TGFBR3: variants seen among roughly 807,000 people sequenced by gnomAD.
TGFBR3 encodes the protein transforming growth factor beta receptor type 3.
A neutral mutation model predicts 87.9 loss-of-function variants in TGFBR3; 46 were observed. The observed-to-expected ratio is 0.52, with a 90% CI of 0.41 to 0.67. The LOEUF (loss-of-function observed/expected upper bound fraction) is 0.67, where lower values mean the gene tolerates loss of function less well. TGFBR3 is among the 30% of genes least tolerant of loss of function. The probability of loss-of-function intolerance (pLI) is 0.00; values close to 1 mark genes in which losing one functional copy is unlikely to be tolerated. For missense variants in TGFBR3, 866 were observed against 1,041.9 expected, an observed-to-expected ratio of 0.83 and a Z score of 2.32; for synonymous variants, 381 against 391.6, an observed-to-expected ratio of 0.97 and a Z score of 0.32.
intron 1 of TGFBR3, among the ~76,000 whole-genome samples, chr1:91,873,926 G>A (rs1678684702): frequency 6.6e-6 from 1 of 151,566 alleles, no homozygotes; most frequent in East Asian, 1.9e-4. Flanking sequence ...CTCTAGCCTG[G>A]GTGACAGAGT....
intron 2 of TGFBR3, among the ~76,000 whole-genome samples, chr1:91,893,778 T>C (rs1279219774): frequency 6.6e-6 from 1 of 152,108 alleles, no homozygotes; most frequent in African/African-American, 2.4e-5. Context: ...TTTTTCAAAG[T>C]AGGAAATGTT....
intron 2 of TGFBR3, among the ~76,000 whole-genome samples, chr1:91,811,486 T>C (rs1393308091): frequency 6.6e-6 from 1 of 152,196 alleles, no homozygotes; most frequent in Non-Finnish European, 1.5e-5. Flanking sequence ...CTGGCATTTA[T>C]TTGCTAAAAG....
chr1:91,708,637 C>CG, intron 14 of TGFBR3, 26 bp downstream of exon 14: 1 of 1,613,834 alleles, frequency 6.2e-7, no homozygotes, highest in East Asian at 2.2e-5. Context: ...AGGCCCCATG[C>CG]TCTGATCGTG....
chr1:91,834,477 T>C (rs1021066176), intron 2 of TGFBR3, among the ~76,000 whole-genome samples: 4 of 152,226 alleles, frequency 2.6e-5, no homozygotes, highest in Non-Finnish European at 5.9e-5. Context: ...TGAAAATCTA[T>C]CTGCCTTTGA....
In TGFBR3 at chr1:91,683,476, G is replaced by A. The variant is rs1670981330; in HGVS notation, c.*263C>T. The stretch of plus-strand genomic sequence containing the variant: ...CATTGAAAACCCCCAAGCCTGTGAG[G>A]GGCTGGTGGAGAAGACCACCATTTT... On this transcript the variant is annotated 3_prime_UTR_variant, in exon 17 of 17. Transcript: ENST00000212355. The A allele has an allele frequency of 3.0e-6, 2 of 666,364 alleles. No homozygotes were observed. The highest frequency in any genetic ancestry group is 5.5e-6 in the Non-Finnish European group (2 of 363,636). The allele number at this position is 666,364 out of a possible 1,614,324, so 41.3% of individuals were successfully genotyped here. A position where few individuals can be genotyped will look rare whatever the true frequency, so the allele number is the denominator to read the frequency against.
chr1:91,835,095 CCT>C (rs914630469), intron 2 of TGFBR3, among the ~76,000 whole-genome samples: 74 of 152,166 alleles, frequency 4.9e-4, no homozygotes, highest in African/African-American at 1.7e-3. Context: ...CTGCCTATCC[CCT>C]GTCTGGCTCA....
At chr1:91,855,298 G>T (rs1229446539) in intron 2 of TGFBR3, among the ~76,000 whole-genome samples, 1 of 152,188 alleles carries the variant, frequency 6.6e-6, no homozygotes, top group Non-Finnish European at 1.5e-5. Context: ...TCCACCAAGA[G>T]CCCACTGGCA....
chr1:91,690,209 G>A (rs1346854098), intron 16 of TGFBR3, among the ~76,000 whole-genome samples: 3 of 152,108 alleles, frequency 2.0e-5, no homozygotes, highest in Admixed American at 2.0e-4. Flanking sequence ...TAAGCAAGAG[G>A]GGTTGGCTGA....
intron 4 of TGFBR3, among the ~76,000 whole-genome samples, chr1:91,738,643 C>T (rs1673046089): frequency 1.3e-5 from 2 of 152,234 alleles, no homozygotes; most frequent in African/African-American, 2.4e-5. Context: ...TCCTGTACAG[C>T]TTGCAGAACC....
chr1:91,727,606 T>G, intron 7 of TGFBR3, 53 bp downstream of exon 7: 1 of 1,607,108 alleles, frequency 6.2e-7, no homozygotes, highest in African/African-American at 1.3e-5. Flanking sequence ...AAGTACAGCT[T>G]AAATTGTTGT....
chr1:91,819,983 A>G (rs538239609), intron 2 of TGFBR3, among the ~76,000 whole-genome samples: 1 of 152,352 alleles, frequency 6.6e-6, no homozygotes, highest in South Asian at 2.1e-4. Context: ...TCTTAGTTCC[A>G]GATAAACAGT....
chr1:91,893,935 A>C (rs1262791629), intron 2 of TGFBR3, among the ~76,000 whole-genome samples: 1 of 151,612 alleles, frequency 6.6e-6, no homozygotes, highest in African/African-American at 2.4e-5. Context: ...AAAAAAAAAA[A>C]AAAACTTCCT....
chr1:91,819,242 C>T (rs1231574195), intron 2 of TGFBR3, among the ~76,000 whole-genome samples: 2 of 152,098 alleles, frequency 1.3e-5, no homozygotes, highest in African/African-American at 2.4e-5. Flanking sequence ...GTGGCATGCG[C>T]CTGTAATCCC....
At position 91,681,761 on chromosome 1, in the gene TGFBR3, G is replaced by A. The variant is rs111911073; in HGVS notation, c.*1978C>T. 2 of 442,658 alleles carry A rather than the reference G, an allele frequency of 4.5e-6. No individual in the cohort carries two copies. The highest frequency in any genetic ancestry group is 8.9e-6 in the Non-Finnish European group (2 of 223,706). 27.4% of individuals were successfully genotyped at this position (442,658 alleles called of 1,614,324 possible). A position where few individuals can be genotyped will look rare whatever the true frequency, so the allele number is the denominator to read the frequency against. On this transcript the variant is annotated 3_prime_UTR_variant, in exon 17 of 17. Transcript: ENST00000212355. ...AGCTATAAGTGACTTAAAGACTCTA[G>A]TCTTCTTTGAAGACATCTTTAAACT...
At chr1:91,692,018 A>G (rs1051150300) in intron 16 of TGFBR3, among the ~76,000 whole-genome samples, 2 of 152,318 alleles carry the variant, frequency 1.3e-5, no homozygotes, top group Admixed American at 1.3e-4. Flanking sequence ...AAAGAAAAAA[A>G]AGAAAAGAAA....
intron 6 of TGFBR3, among the ~76,000 whole-genome samples, chr1:91,729,014 A>G (rs541011115): frequency 1.9e-4 from 29 of 150,154 alleles, no homozygotes; most frequent in African/African-American, 6.9e-4. Context: ...GTATGTCACC[A>G]TGAAGGGCCA....
At chr1:91,819,573 T>C (rs1676373044) in intron 2 of TGFBR3, among the ~76,000 whole-genome samples, 1 of 152,112 alleles carries the variant, frequency 6.6e-6, no homozygotes, top group Non-Finnish European at 1.5e-5. Context: ...CACCTAAACA[T>C]ACAGCCTTTC....
In TGFBR3 at chr1:91,682,214, G is replaced by T. The variant is rs1164345941; in HGVS notation, c.*1525C>A. The T allele has an allele frequency of 2.2e-6, 1 of 454,010 alleles. No individual in the cohort carries two copies. Among genetic ancestry groups the T allele is most frequent in the South Asian group, 1.6e-5 (1 of 64,470 alleles). 28.1% of individuals were successfully genotyped at this position (454,010 alleles called of 1,614,324 possible). On this transcript the variant is annotated 3_prime_UTR_variant, in exon 17 of 17. Coordinates refer to ENST00000212355, the MANE Select transcript of TGFBR3 (RefSeq NM_003243.5). ...ATTACCTACTGAGGTTCCATTCACA[G>T]ACAACCAGGCATAACTTCCTTATTT...
At chr1:91,904,890 T>G (rs995501268) in intron 1 of TGFBR3, among the ~76,000 whole-genome samples, 14 of 151,544 alleles carry the variant, frequency 9.2e-5, no homozygotes, top group African/African-American at 3.4e-4. Context: ...TTAATAGAGA[T>G]AGAGTTTCAC....
Sources: gnomAD v4.1 joint callset for allele counts (sites outside exome capture counted in the v4.1 genomes callset) on GRCh38, gnomAD v4.1.1 for gene constraint, MANE v1.5 for transcripts, NCBI Gene and HGNC (gene_info 2026-07-23, HGNC 2026-07-21) for gene names.